MAF: variants seen among roughly 807,000 people sequenced by gnomAD.
MAF encodes the protein transcription factor Maf.
MAF carries 10 observed loss-of-function variants against 22.0 expected under a neutral mutation model. The ratio of observed to expected loss-of-function variants is 0.45; its 90% CI spans 0.28 to 0.77. MAF has a LOEUF of 0.77. Ranked by LOEUF, MAF falls within the 30% of genes least tolerant of loss-of-function variation. MAF has a pLI of 0.12. For synonymous variants in MAF, 337 were observed against 255.8 expected, an observed-to-expected ratio of 1.32 and a Z score of -3.03; for missense variants, 544 against 548.4, an observed-to-expected ratio of 0.99 and a Z score of 0.08.
the MAF span, among the ~76,000 whole-genome samples, chr16:79,299,724 G>A: frequency 3.7e-4 from 56 of 152,336 alleles, no homozygotes; most frequent in East Asian, 0.011. Context: ...CTATTCTAAT[G>A]CAATGCTTTT....
chr16:79,599,466 G>C lies in MAF; in HGVS notation c.437C>G (p.Ala146Gly), dbSNP rs1316225081. The C allele has an allele frequency of 1.0e-5, 14 of 1,359,284 alleles. No homozygotes were observed. Among genetic ancestry groups the C allele is most frequent in the Non-Finnish European group, 1.3e-5 (14 of 1,066,022 alleles). The allele number at this position is 1,359,284 out of a possible 1,614,324, so 84.2% of individuals were successfully genotyped here. ...QQLAAAAGAG[A>G]GASLGGSGEE... ...GCCGCTGCCGCCCAAGGAGGCGCCG[G>C]CACCGGCCCCGGCCGCCGCGGCCAG... Residue 146 changes from alanine (A) to glycine (G), a missense_variant, in exon 1 of 2, where the codon GCC (alanine) becomes GGC (glycine). By Grantham distance (60) the Ala-to-Gly change is moderately conservative. Transcript: ENST00000326043.
At chr16:79,470,357 G>GC in the MAF span, among the ~76,000 whole-genome samples, 1 of 152,040 alleles carries the variant, frequency 6.6e-6, no homozygotes, top group Non-Finnish European at 1.5e-5. Flanking sequence ...ATGTTACTGA[G>GC]CCCCCCCAGG....
the MAF span, among the ~76,000 whole-genome samples, chr16:79,330,871 C>T: frequency 6.6e-6 from 1 of 152,230 alleles, no homozygotes; most frequent in East Asian, 1.9e-4. Flanking sequence ...TTAAACCTGG[C>T]CAGGCCTGCC....
At chr16:79,521,236 G>C in the MAF span, among the ~76,000 whole-genome samples, 3 of 152,168 alleles carry the variant, frequency 2.0e-5, no homozygotes, top group Non-Finnish European at 4.4e-5. Flanking sequence ...TTTACTTTTC[G>C]TTAATAGAAT....
chr16:79,357,925 G>T, the MAF span, among the ~76,000 whole-genome samples: 3 of 152,180 alleles, frequency 2.0e-5, no homozygotes, highest in African/African-American at 7.2e-5. Context: ...ACCTGATCCG[G>T]GCTGGGACTG....
chr16:79,427,736 T>C, the MAF span, among the ~76,000 whole-genome samples: 1 of 152,150 alleles, frequency 6.6e-6, no homozygotes, highest in African/African-American at 2.4e-5. Context: ...TATTCTCCTC[T>C]GAATTCCGCA....
At chr16:79,203,443 C>T in the MAF span, 1 of 151,462 alleles carries the variant, frequency 6.6e-6, no homozygotes, top group Admixed American at 6.6e-5. Context: ...TTCTGGAAGG[C>T]AGAGTTAAGA....
At chr16:79,348,478 T>C in the MAF span, among the ~76,000 whole-genome samples, 1 of 152,196 alleles carries the variant, frequency 6.6e-6, no homozygotes, top group Non-Finnish European at 1.5e-5. Context: ...GGACACGTAA[T>C]GTTATAAAAA....
the MAF span, among the ~76,000 whole-genome samples, chr16:79,422,451 A>C: frequency 6.6e-6 from 1 of 152,188 alleles, no homozygotes; most frequent in African/African-American, 2.4e-5. Flanking sequence ...TTAAAATGAC[A>C]GACCTGATTC....
the MAF span, among the ~76,000 whole-genome samples, chr16:79,346,346 G>A: frequency 1.3e-5 from 2 of 151,922 alleles, no homozygotes; most frequent in South Asian, 2.1e-4. Context: ...TCCCTACAAA[G>A]GACAGGAACT....
At chr16:79,453,927 C>T in the MAF span, among the ~76,000 whole-genome samples, 1 of 152,076 alleles carries the variant, frequency 6.6e-6, no homozygotes, top group Non-Finnish European at 1.5e-5. Flanking sequence ...AAATACCTAC[C>T]TTGCTATTAA....
At chr16:79,325,180 T>C in the MAF span, among the ~76,000 whole-genome samples, 1 of 152,192 alleles carries the variant, frequency 6.6e-6, no homozygotes, top group Non-Finnish European at 1.5e-5. Context: ...CAACATGTCT[T>C]TTCTTGGGGT....
the MAF span, among the ~76,000 whole-genome samples, chr16:79,490,620 ACACACT>A: frequency 3.1e-5 from 2 of 64,404 alleles, no homozygotes; most frequent in Non-Finnish European, 8.9e-5. Flanking sequence ...ACACAGACAC[ACACACT>A]CACACATGCA....
At chr16:79,531,479 T>C in the MAF span, among the ~76,000 whole-genome samples, 1 of 152,010 alleles carries the variant, frequency 6.6e-6, no homozygotes, top group East Asian at 1.9e-4. Context: ...TATAATGAAT[T>C]AATTATACAA....
chr16:79,275,107 G>A, the MAF span, among the ~76,000 whole-genome samples: 8 of 152,240 alleles, frequency 5.3e-5, no homozygotes, highest in Non-Finnish European at 8.8e-5. Flanking sequence ...TGTAATCCCA[G>A]CACTTTGGGA....
the MAF span, among the ~76,000 whole-genome samples, chr16:79,539,903 G>A: frequency 3.5e-4 from 54 of 152,240 alleles, no homozygotes; most frequent in African/African-American, 1.2e-3. Context: ...TTTCTCTGAT[G>A]AAATTATGAG....
chr16:79,513,375 G>C, the MAF span, among the ~76,000 whole-genome samples: 1 of 152,348 alleles, frequency 6.6e-6, no homozygotes, highest in South Asian at 2.1e-4. Flanking sequence ...CCCAACTGGA[G>C]CATGAGAACA....
intron 1 of MAF, chr16:79,585,990 G>A (rs1213317335): frequency 3.0e-6 from 2 of 658,462 alleles, no homozygotes; most frequent in South Asian, 1.7e-5. Context: ...TAATAACCAC[G>A]AAGAATGTTT....
the MAF span, among the ~76,000 whole-genome samples, chr16:79,479,190 C>T: frequency 6.6e-6 from 1 of 152,148 alleles, no homozygotes; most frequent in African/African-American, 2.4e-5. Flanking sequence ...GTGCACCACC[C>T]CAGCATACCT....
Sources: gnomAD v4.1 joint callset for allele counts (sites outside exome capture counted in the v4.1 genomes callset) on GRCh38, gnomAD v4.1.1 for gene constraint, MANE v1.5 for transcripts, NCBI Gene and HGNC (gene_info 2026-07-23, HGNC 2026-07-21) for gene names.